The following FAM162A variants were observed in gnomAD, a reference collection of about 807,000 sequenced individuals.
FAM162A encodes protein FAM162A.
A neutral mutation model predicts 21.8 loss-of-function variants in FAM162A; 23 were observed. That is an observed-to-expected ratio of 1.05 (90% CI 0.76 to 1.49). The LOEUF (loss-of-function observed/expected upper bound fraction) is 1.49, where lower values mean the gene tolerates loss of function less well. FAM162A is among the 40% of genes most tolerant of loss of function. The pLI is 0.00. For synonymous variants in FAM162A, 53 were observed against 61.3 expected, an observed-to-expected ratio of 0.86 and a Z score of 0.64; for missense variants, 165 against 186.4, an observed-to-expected ratio of 0.89 and a Z score of 0.67.
At chr3:122,400,776 G>C (rs1028521349) in intron 1 of FAM162A, among the ~76,000 whole-genome samples, 18 of 151,796 alleles carry the variant, frequency 1.2e-4, no homozygotes, top group African/African-American at 4.4e-4. Flanking sequence ...GCGGTGAGCC[G>C]AGATCGCGCC....
At chr3:122,385,532 T>C (rs2075571081) in intron 1 of FAM162A, among the ~76,000 whole-genome samples, 1 of 152,234 alleles carries the variant, frequency 6.6e-6, no homozygotes, top group Non-Finnish European at 1.5e-5. Context: ...AAAAGAACTT[T>C]GACATCTTGG....
rs2075659740 is a variant in FAM162A at position 122,402,954 on chromosome 3, C to T, written c.157+72C>T. ...GTAGGAAAACTTGGAATCAAAAGAA[C>T]CCAAAAGAGAAGAGGTTCCTATATC... On this transcript the variant is annotated intron_variant, in intron 2 of 4. Transcript: ENST00000477892. The T allele has an allele frequency of 4.7e-6, 7 of 1,493,944 alleles. No individual in the cohort carries two copies. The East Asian group carries it at 6.9e-5, about 15-fold the overall frequency. The allele number at this position is 1,493,944 out of a possible 1,614,324, so 92.5% of individuals were successfully genotyped here.
intron 1 of FAM162A, among the ~76,000 whole-genome samples, chr3:122,386,820 T>C (rs2075576563): frequency 6.6e-6 from 1 of 152,210 alleles, no homozygotes; most frequent in African/African-American, 2.4e-5. Context: ...GGTTGTTAAC[T>C]TGTGGTACTG....
rs1196285031 is a variant in FAM162A at position 122,410,819 on chromosome 3, C to T, written c.*988C>T. ...ACCATTCAGTGTAGCATGATGAAAT[C>T]TCTTGCCAATCTGTTCCATCCACCT... On this transcript the variant is annotated 3_prime_UTR_variant, in exon 5 of 5. Transcript: ENST00000477892. 1.3e-5 allele frequency: 2 copies of T among 152,192 alleles called. No individual in the cohort carries two copies. The highest frequency in any genetic ancestry group is 2.9e-5 in the Non-Finnish European group (2 of 68,046). 9.4% of individuals were successfully genotyped at this position (152,192 alleles called of 1,614,324 possible).
intron 4 of FAM162A, 66 bp downstream of exon 4, chr3:122,407,455 G>T (rs762225894): frequency 1.6e-6 from 2 of 1,271,436 alleles, no homozygotes; most frequent in East Asian, 4.7e-5. Flanking sequence ...GTAAATCAGG[G>T]ATTGACCCTT....
At position 122,411,075 on chromosome 3, in the gene FAM162A, C is replaced by T. The variant is rs1397551547; in HGVS notation, c.*1244C>T. 6.6e-6 allele frequency: 1 copy of T among 152,232 alleles called. No homozygotes were observed. Among genetic ancestry groups the T allele is most frequent in the Non-Finnish European group, 1.5e-5 (1 of 68,090 alleles). The allele number at this position is 152,232 out of a possible 1,614,324, so 9.4% of individuals were successfully genotyped here. A position where few individuals can be genotyped will look rare whatever the true frequency, so the allele number is the denominator to read the frequency against. The stretch of plus-strand genomic sequence containing the variant: ...GTTGGGTACTATCCACAGTTTCAGG[C>T]ATCTACTGGGGGGTCTTGGAATATA... On this transcript the variant is annotated 3_prime_UTR_variant, in exon 5 of 5. Coordinates refer to ENST00000477892, the MANE Select transcript of FAM162A (RefSeq NM_014367.4).
chr3:122,386,924 A>G (rs543790711), intron 1 of FAM162A, among the ~76,000 whole-genome samples: 1 of 152,250 alleles, frequency 6.6e-6, no homozygotes, highest in East Asian at 1.9e-4. Flanking sequence ...TATATCTGCT[A>G]CTCAGAGCAG....
At chr3:122,387,090 G>A (rs1234269989) in intron 1 of FAM162A, among the ~76,000 whole-genome samples, 4 of 152,130 alleles carry the variant, frequency 2.6e-5, no homozygotes, top group African/African-American at 4.8e-5. Context: ...ATAGTAGACA[G>A]GCAATACATA....
At chr3:122,396,869 A>C (rs1192309019) in intron 1 of FAM162A, among the ~76,000 whole-genome samples, 1 of 152,228 alleles carries the variant, frequency 6.6e-6, no homozygotes, top group Non-Finnish European at 1.5e-5. Flanking sequence ...CAGTCATAAA[A>C]GGCCACATGT....
intron 1 of FAM162A, among the ~76,000 whole-genome samples, chr3:122,387,762 C>A (rs564087242): frequency 6.6e-6 from 1 of 152,252 alleles, no homozygotes; most frequent in South Asian, 2.1e-4. Flanking sequence ...TGGACTGCCC[C>A]ACTCCTAGGG....
intron 2 of FAM162A, 131 bp downstream of exon 2, chr3:122,403,013 C>A: frequency 9.4e-7 from 1 of 1,065,922 alleles, no homozygotes; most frequent in Non-Finnish European, 1.3e-6. Flanking sequence ...ACATTGTGTT[C>A]ACATTGTGCA....
chr3:122,407,298 C>G lies in FAM162A; in HGVS notation c.281C>G (p.Ala94Gly), dbSNP rs745425405. 1 of 1,613,858 alleles carries G rather than the reference C, an allele frequency of 6.2e-7. No individual in the cohort carries two copies. Among genetic ancestry groups the G allele is most frequent in the Non-Finnish European group, 8.5e-7 (1 of 1,179,860 alleles). Reference sequence around the variant, plus strand: ...ATTACTAGGTTGGAGATGCTTGATGCTGCAAAGAACAAGATGCGAGTGAAG... The same window carrying G: ...ATTACTAGGTTGGAGATGCTTGATGGTGCAAAGAACAAGATGCGAGTGAAG... ...PETVSLEMLD[A>G]AKNKMRVKIS... Residue 94 changes from alanine (A) to glycine (G), a missense_variant, in exon 4 of 5, where the codon GCT becomes GGT. Transcript: ENST00000477892.
At chr3:122,402,370 G>A (rs572333958) in intron 1 of FAM162A, among the ~76,000 whole-genome samples, 1 of 152,166 alleles carries the variant, frequency 6.6e-6, no homozygotes, top group African/African-American at 2.4e-5. Context: ...CAGTTTATCA[G>A]CATCGTATTG....
chr3:122,399,035 C>T (rs2075641665), intron 1 of FAM162A, among the ~76,000 whole-genome samples: 1 of 152,112 alleles, frequency 6.6e-6, no homozygotes, highest in Admixed American at 6.6e-5. Flanking sequence ...CACCCAGGCA[C>T]TAAGCCTAGC....
rs1408702727 is a variant in FAM162A, at chr3:122,407,328, G to A, written c.311G>A (p.Ser104Asn). Residue 104 changes from serine (S) to asparagine (N), a missense_variant, in exon 4 of 5, where the codon AGC becomes AAC. Ser to Asn is a conservative substitution (Grantham distance 46, BLOSUM62 1). Coordinates refer to ENST00000477892, the MANE Select transcript of FAM162A (RefSeq NM_014367.4). ...AAKNKMRVKI[S>N]YLMIALTVVG... ...AAGAACAAGATGCGAGTGAAGATCAGCTATCTAATGATTGCCCTGACGGTG... is the reference window on the plus strand; with the variant it reads ...AAGAACAAGATGCGAGTGAAGATCAACTATCTAATGATTGCCCTGACGGTG... The A allele has an allele frequency of 6.2e-7, 1 of 1,614,012 alleles. No individual in the cohort carries two copies. Among genetic ancestry groups the A allele is most frequent in the African/African-American group, 1.3e-5 (1 of 74,922 alleles).
chr3:122,389,779 T>C (rs1190110235), intron 1 of FAM162A, among the ~76,000 whole-genome samples: 1 of 152,224 alleles, frequency 6.6e-6, no homozygotes, highest in Non-Finnish European at 1.5e-5. Context: ...TGCACCAAGT[T>C]GTTATCCCTA....
At chr3:122,392,110 T>G (rs2075606693) in intron 1 of FAM162A, among the ~76,000 whole-genome samples, 1 of 152,250 alleles carries the variant, frequency 6.6e-6, no homozygotes, top group South Asian at 2.1e-4. Context: ...GTTAGCATTT[T>G]TTGCTTTATT....
chr3:122,410,934 A>G lies in FAM162A; in HGVS notation c.*1103A>G, dbSNP rs1049175185. 1 of 152,230 alleles carries G rather than the reference A, an allele frequency of 6.6e-6. No individual in the cohort carries two copies. Among genetic ancestry groups the G allele is most frequent in the African/African-American group, 2.4e-5 (1 of 41,442 alleles). The allele number at this position is 152,230 out of a possible 1,614,324, so 9.4% of individuals were successfully genotyped here. ...GATCAGCTGTCGTGGAATCAGTGCT[A>G]GTGTTCAGGTAACTCTTATTTAATA... is the stretch of plus-strand genomic sequence containing the variant. On this transcript the variant is annotated 3_prime_UTR_variant, in exon 5 of 5. Transcript: ENST00000477892.
intron 1 of FAM162A, among the ~76,000 whole-genome samples, chr3:122,385,177 A>C (rs1477008602): frequency 6.6e-6 from 1 of 151,802 alleles, no homozygotes; most frequent in Non-Finnish European, 1.5e-5. Context: ...TGTAATGTAA[A>C]TGAAGTAATG....
Sources: allele counts gnomAD v4.1 joint callset (sites outside exome capture counted in the v4.1 genomes callset), GRCh38; gene constraint gnomAD v4.1.1; transcripts MANE v1.5; gene names NCBI Gene and HGNC (gene_info 2026-07-23, HGNC 2026-07-21).